PON3: variants seen among roughly 807,000 people sequenced by gnomAD.
PON3 encodes paraoxonase 3.
In PON3, 37 loss-of-function variants were observed where a neutral mutation model predicts 36.3. That is an observed-to-expected ratio of 1.02 (90% CI 0.78 to 1.34). The LOEUF (loss-of-function observed/expected upper bound fraction) is 1.34. Ranked by LOEUF, PON3 falls within the 40% of genes most tolerant of loss-of-function variation. The pLI is 0.00. For synonymous variants in PON3, 155 were observed against 154.8 expected (o/e 1.00, Z -0.01); for missense variants, 415 against 426.5 (o/e 0.97, Z 0.24).
At chr7:95,378,814 G>A (rs1262463567) in intron 3 of PON3, among the ~76,000 whole-genome samples, 1 of 152,206 alleles carries the variant, frequency 6.6e-6, no homozygotes, top group African/African-American at 2.4e-5. Flanking sequence ...AAATTGTAAA[G>A]ACCATTGATG....
Position 95,383,326 on chromosome 7 carries a change from C to A in PON3, c.201+6828G>T, listed in dbSNP as rs1809107909. 2.6e-5 allele frequency among the ~76,000 whole-genome samples: 4 copies of A among 152,292 alleles called. No individual in the cohort carries two copies. The South Asian group carries it at 8.3e-4, about 32-fold the overall frequency. ...GATGCCCTCTCTCACCACTCCTATT[C>A]TACATAGTGTTGGAAGTTCTCGCCA... On this transcript the variant is annotated intron_variant, in intron 3 of 8. Transcript: ENST00000265627.
intron 3 of PON3, among the ~76,000 whole-genome samples, chr7:95,386,404 C>T (rs922030506): frequency 1.3e-5 from 2 of 152,168 alleles, no homozygotes; most frequent in African/African-American, 4.8e-5. Context: ...AATTCCTCGA[C>T]ACATACATCC....
intron 3 of PON3, among the ~76,000 whole-genome samples, chr7:95,389,377 TG>T (rs1809268671): frequency 6.6e-6 from 1 of 152,166 alleles, no homozygotes; most frequent in Non-Finnish European, 1.5e-5. Context: ...TGTTCTTTGG[TG>T]GTATTTTATT....
intron 3 of PON3, 116 bp from the exon 4 acceptor site, chr7:95,372,454 ATT>A: frequency 5.1e-6 from 6 of 1,170,770 alleles, no homozygotes; most frequent in African/African-American, 1.5e-5. Flanking sequence ...TTTCATTTAG[ATT>A]ACTGGGCTTT....
rs890278485 is a variant in PON3 at position 95,391,259 on chromosome 7, T to C, written c.146-1050A>G. Among the ~76,000 whole-genome samples, 7 of 152,150 alleles carry C rather than the reference T, an allele frequency of 4.6e-5. No individual in the cohort carries two copies. The East Asian group carries it at 7.7e-4, about 17-fold the overall frequency. On this transcript the variant is annotated intron_variant, in intron 2 of 8. Coordinates refer to ENST00000265627, the MANE Select transcript of PON3 (RefSeq NM_000940.3). ...ACCTATTATGGAGTAGAAGCATATA[T>C]TGGAGACATGGGAAGCTATAGAATG...
chr7:95,381,902 C>A (rs773501762), intron 3 of PON3, among the ~76,000 whole-genome samples: 1 of 152,206 alleles, frequency 6.6e-6, no homozygotes, highest in Non-Finnish European at 1.5e-5. Context: ...ACTATACATT[C>A]TTCTCAGCAC....
intron 3 of PON3, among the ~76,000 whole-genome samples, chr7:95,375,820 T>G (rs1002310011): frequency 3.2e-4 from 49 of 152,332 alleles, no homozygotes; most frequent in African/African-American, 1.1e-3. Flanking sequence ...TGTTAATGAC[T>G]GTAAGCAATT....
intron 3 of PON3, among the ~76,000 whole-genome samples, chr7:95,376,497 T>C (rs1808915298): frequency 6.6e-6 from 1 of 152,160 alleles, no homozygotes. Flanking sequence ...AACAACAGAA[T>C]CCTTATCCTA....
intron 3 of PON3, among the ~76,000 whole-genome samples, chr7:95,373,305 C>T (rs1030243546): frequency 1.3e-5 from 2 of 152,190 alleles, no homozygotes; most frequent in African/African-American, 4.8e-5. Flanking sequence ...GATACTATTA[C>T]TGGCTCTTCC....
intron 3 of PON3, among the ~76,000 whole-genome samples, chr7:95,385,154 G>A (rs1202168293): frequency 6.6e-6 from 1 of 152,072 alleles, no homozygotes; most frequent in Non-Finnish European, 1.5e-5. Context: ...ATTGAACGAT[G>A]AGAACACTTG....
chr7:95,360,291 T>C (rs1808538293), intron 8 of PON3, among the ~76,000 whole-genome samples, 160 bp from the exon 9 acceptor site: 1 of 151,700 alleles, frequency 6.6e-6, no homozygotes, highest in African/African-American at 2.4e-5. Context: ...AGTACTAATG[T>C]CATAGATATC....
chr7:95,385,009 A>G (rs2116413221), intron 3 of PON3, among the ~76,000 whole-genome samples: 1 of 152,354 alleles, frequency 6.6e-6, no homozygotes, highest in South Asian at 2.1e-4. Flanking sequence ...TACACCATGG[A>G]ATACTATGCA....
At chr7:95,392,093 A>T (rs1458411016) in intron 2 of PON3, among the ~76,000 whole-genome samples, 1 of 152,200 alleles carries the variant, frequency 6.6e-6, no homozygotes, top group Non-Finnish European at 1.5e-5. Flanking sequence ...TATGAGGATG[A>T]TGTAGATGTT....
intron 3 of PON3, among the ~76,000 whole-genome samples, chr7:95,385,000 A>G (rs1368890140): frequency 6.6e-6 from 1 of 152,226 alleles, no homozygotes; most frequent in African/African-American, 2.4e-5. Context: ...TGGCACATAT[A>G]CACCATGGAA....
rs1187950678 is a variant in PON3, at chr7:95,360,137, G to A, written c.907-6C>T. ...ACATTCTGGATGCGAAGTACCTGTC[G>A]AGAAAAGATCGTTTATTAGTATATT... On this transcript the variant is annotated splice_polypyrimidine_tract_variant and splice_region_variant and intron_variant, in intron 8 of 8. Transcript: ENST00000265627. 8 of 1,611,346 alleles carry A rather than the reference G, an allele frequency of 5.0e-6. No homozygotes were observed. Among genetic ancestry groups the A allele is most frequent in the African/African-American group, 4.0e-5 (3 of 74,838 alleles).
chr7:95,366,252 G>A (rs1199808536), intron 5 of PON3, among the ~76,000 whole-genome samples: 1 of 152,102 alleles, frequency 6.6e-6, no homozygotes, highest in Non-Finnish European at 1.5e-5. Flanking sequence ...GGTAAGTCAG[G>A]CAAATGAGAA....
In PON3 at chr7:95,394,598, G is replaced by C. The variant is rs566097489; in HGVS notation, c.145+46C>G. 30 of 1,541,750 alleles carry C rather than the reference G, an allele frequency of 1.9e-5. 1 individual carries two copies. The East Asian group carries it at 6.1e-4, about 31-fold the overall frequency. Reference sequence around the variant, plus strand: ...GGTAGGGCTCAGTCAGGTGGATGACGACCAAGAAGCTGTGCTGGCTCCTCT... The same window carrying C: ...GGTAGGGCTCAGTCAGGTGGATGACCACCAAGAAGCTGTGCTGGCTCCTCT... On this transcript the variant is annotated intron_variant, in intron 2 of 8. Transcript: ENST00000265627.
chr7:95,393,357 G>A (rs577808145), intron 2 of PON3, among the ~76,000 whole-genome samples: 2 of 152,270 alleles, frequency 1.3e-5, no homozygotes, highest in East Asian at 1.9e-4. Context: ...TGCTGTGAGA[G>A]TTCAGAGGAA....
chr7:95,384,644 A>C (rs890619778), intron 3 of PON3, among the ~76,000 whole-genome samples: 3 of 152,212 alleles, frequency 2.0e-5, no homozygotes, highest in African/African-American at 7.2e-5. Flanking sequence ...TCAAAACCAC[A>C]GTGGGATACC....
Sources: allele counts gnomAD v4.1 joint callset (sites outside exome capture counted in the v4.1 genomes callset), GRCh38; gene constraint gnomAD v4.1.1; transcripts MANE v1.5; gene names NCBI Gene and HGNC (gene_info 2026-07-23, HGNC 2026-07-21).